ATXN1: variants seen among roughly 807,000 people sequenced by gnomAD.
ATXN1 encodes the protein ataxin-1.
Under a neutral mutation model 56.4 loss-of-function variants are expected in ATXN1, and 8 were observed. That is an observed-to-expected ratio of 0.14 (90% CI 0.08 to 0.26). ATXN1 has a LOEUF of 0.26. Among genes scored for constraint, ATXN1 ranks in the 10% least tolerant of loss-of-function variants. The probability of loss-of-function intolerance (pLI) is 1.00; values close to 1 mark genes in which losing one functional copy is unlikely to be tolerated. For missense variants in ATXN1, 987 were observed against 1,106.5 expected, an observed-to-expected ratio of 0.89 and a Z score of 1.53; for synonymous variants, 514 against 494.6, an observed-to-expected ratio of 1.04 and a Z score of -0.52.
intron 6 of ATXN1, among the ~76,000 whole-genome samples, chr6:16,477,173 G>A (rs887014154): frequency 2.6e-5 from 4 of 152,158 alleles, no homozygotes; most frequent in Admixed American, 2.0e-4. Flanking sequence ...GGCATCTCCA[G>A]GGCCACACAG....
chr6:16,313,997 A>C lies in ATXN1; in HGVS notation c.1918-7138T>G, dbSNP rs1308384228. Among the ~76,000 whole-genome samples, 4 of 152,332 alleles carry C rather than the reference A, an allele frequency of 2.6e-5. No homozygotes were observed. In the East Asian group the frequency reaches 7.7e-4, roughly 29 times the overall value. ...ACCAAAGGAGCTGTGTCACCCTGCGAAAAGATGCCACGACCAGATATCAGC... is the reference window on the plus strand; with the variant it reads ...ACCAAAGGAGCTGTGTCACCCTGCGCAAAGATGCCACGACCAGATATCAGC... On this transcript the variant is annotated intron_variant, in intron 7 of 7. Coordinates refer to ENST00000436367, the MANE Select transcript of ATXN1 (RefSeq NM_001128164.2).
At chr6:16,400,583 A>C (rs1294296163) in intron 6 of ATXN1, among the ~76,000 whole-genome samples, 1 of 152,218 alleles carries the variant, frequency 6.6e-6, no homozygotes, top group Non-Finnish European at 1.5e-5. Context: ...CTTACACAAG[A>C]ATTCCTGGTT....
At chr6:16,398,758 A>G (rs2113532362) in intron 6 of ATXN1, among the ~76,000 whole-genome samples, 1 of 152,332 alleles carries the variant, frequency 6.6e-6, no homozygotes, top group African/African-American at 2.4e-5. Flanking sequence ...CCTGGGAAAA[A>G]TGTGAAGAAT....
At chr6:16,411,087 G>A (rs1459698435) in intron 6 of ATXN1, among the ~76,000 whole-genome samples, 2 of 141,076 alleles carry the variant, frequency 1.4e-5, no homozygotes, top group Non-Finnish European at 1.5e-5. Flanking sequence ...ATCACACCAC[G>A]GCACTCCAGC....
chr6:16,456,406 T>G (rs942755683), intron 6 of ATXN1, among the ~76,000 whole-genome samples: 1 of 152,166 alleles, frequency 6.6e-6, no homozygotes, highest in Non-Finnish European at 1.5e-5. Flanking sequence ...ACTAAGGACA[T>G]GGATGTCAGG....
intron 2 of ATXN1, among the ~76,000 whole-genome samples, chr6:16,733,818 G>C (rs530926914): frequency 3.9e-5 from 6 of 152,222 alleles, no homozygotes; most frequent in Non-Finnish European, 8.8e-5. Context: ...TTGCACTCCA[G>C]CCTGGGCAAC....
At chr6:16,433,015 G>A (rs1354489618) in intron 6 of ATXN1, 1 of 152,100 alleles carries the variant, frequency 6.6e-6, no homozygotes, top group African/African-American at 2.4e-5. Flanking sequence ...CTTTTGCTGT[G>A]CAGCATGTAG....
chr6:16,463,921 C>G (rs1760049460), intron 6 of ATXN1, among the ~76,000 whole-genome samples: 1 of 152,156 alleles, frequency 6.6e-6, no homozygotes, highest in South Asian at 2.1e-4. Context: ...CCCAAATGAG[C>G]TCAACTCACA....
chr6:16,605,789 T>C (rs905130598), intron 3 of ATXN1, among the ~76,000 whole-genome samples: 2 of 152,132 alleles, frequency 1.3e-5, no homozygotes, highest in East Asian at 1.9e-4. Flanking sequence ...GAACAAGCTA[T>C]AGAAACTTGC....
chr6:16,638,463 A>C (rs991502272), intron 3 of ATXN1, among the ~76,000 whole-genome samples: 1 of 151,674 alleles, frequency 6.6e-6, no homozygotes, highest in South Asian at 2.1e-4. Context: ...AAAAAAAAAA[A>C]AAAAACTGCA....
intron 6 of ATXN1, among the ~76,000 whole-genome samples, chr6:16,406,823 T>C (rs1758694763): frequency 6.6e-6 from 1 of 152,196 alleles, no homozygotes; most frequent in African/African-American, 2.4e-5. Context: ...TGCTAGCCAT[T>C]CGGGACAAAT....
intron 2 of ATXN1, among the ~76,000 whole-genome samples, chr6:16,669,580 T>C (rs184622698): frequency 7.3e-4 from 111 of 152,144 alleles, no homozygotes; most frequent in Non-Finnish European, 1.2e-3. Flanking sequence ...GTTTTCTGAA[T>C]CACTGCTATT....
intron 7 of ATXN1, among the ~76,000 whole-genome samples, chr6:16,321,192 C>A (rs1249246780): frequency 1.3e-5 from 2 of 152,188 alleles, no homozygotes; most frequent in Non-Finnish European, 2.9e-5. Context: ...GGAGGAGGTG[C>A]GAAGCCCCAT....
intron 6 of ATXN1, among the ~76,000 whole-genome samples, chr6:16,345,684 C>T (rs1053820578): frequency 3.3e-5 from 5 of 152,170 alleles, no homozygotes; most frequent in Admixed American, 6.6e-5. Context: ...CAGAATGAGG[C>T]TGCAGTGTAG....
chr6:16,411,285 T>C (rs1011963013), intron 6 of ATXN1, among the ~76,000 whole-genome samples: 3 of 152,088 alleles, frequency 2.0e-5, no homozygotes, highest in Non-Finnish European at 4.4e-5. Context: ...ACATAACTAA[T>C]TTTATGTCTT....
intron 2 of ATXN1, among the ~76,000 whole-genome samples, chr6:16,717,181 G>A (rs1459723210): frequency 6.6e-6 from 1 of 152,264 alleles, no homozygotes; most frequent in Non-Finnish European, 1.5e-5. Flanking sequence ...AAGGGCGCCA[G>A]GGCTGGCTTA....
chr6:16,400,579 C>G lies in ATXN1; in HGVS notation c.-160-72109G>C, dbSNP rs1758547386. ...GTGACTATGTGGATGACATCTTACA[C>G]AAGAATTCCTGGTTCCTGAACCTTT... On this transcript the variant is annotated intron_variant, in intron 6 of 7. Coordinates refer to ENST00000436367, the MANE Select transcript of ATXN1 (RefSeq NM_001128164.2). Among the ~76,000 whole-genome samples the G allele has an allele frequency of 3.3e-5, 5 of 152,358 alleles. No individual in the cohort carries two copies. The South Asian group carries it at 1.0e-3, about 32-fold the overall frequency.
chr6:16,710,397 A>G (rs1025114845), intron 2 of ATXN1, among the ~76,000 whole-genome samples: 1 of 152,084 alleles, frequency 6.6e-6, no homozygotes, highest in Non-Finnish European at 1.5e-5. Context: ...ATTCAGTGCA[A>G]TCTGAACTAA....
At chr6:16,390,658 T>A (rs1758333683) in intron 6 of ATXN1, among the ~76,000 whole-genome samples, 1 of 142,598 alleles carries the variant, frequency 7.0e-6, no homozygotes, top group African/African-American at 2.8e-5. Flanking sequence ...ACAACATAGA[T>A]TCAAGGAGTC....
Sources: allele counts gnomAD v4.1 joint callset (sites outside exome capture counted in the v4.1 genomes callset), GRCh38; gene constraint gnomAD v4.1.1; transcripts MANE v1.5; gene names NCBI Gene and HGNC (gene_info 2026-07-23, HGNC 2026-07-21).